The following BRWD1 variants were observed in gnomAD, a reference collection of about 807,000 sequenced individuals.
BRWD1 encodes the protein bromodomain and WD repeat domain containing 1, also known as bromodomain and WD repeat-containing protein 1.
BRWD1 carries 82 observed loss-of-function variants against 251.2 expected under a neutral mutation model. The observed-to-expected ratio is 0.33, with a 90% CI of 0.27 to 0.39. The LOEUF is 0.39. BRWD1 is among the 10% of genes least tolerant of loss of function. The pLI is 1.00. For missense variants in BRWD1, 2,233 were observed against 2,711.6 expected (o/e 0.82, Z 3.92); for synonymous variants, 918 against 902.8 (o/e 1.02, Z -0.30).
At chr21:39,308,510 A>G (rs1191916199) in intron 4 of BRWD1, among the ~76,000 whole-genome samples, 2 of 150,166 alleles carry the variant, frequency 1.3e-5, no homozygotes, top group Non-Finnish European at 3.0e-5. Context: ...AAGCAAAAGT[A>G]CCAAAAATAC....
intron 7 of BRWD1, 102 bp downstream of exon 7, chr21:39,295,641 A>C: frequency 1.0e-6 from 1 of 989,836 alleles, no homozygotes; most frequent in Non-Finnish European, 1.4e-6. Flanking sequence ...CTGAGTCAAA[A>C]TCTCTGAGGA....
rs751145578 is a variant in BRWD1 at position 39,199,684 on chromosome 21, A to G, written c.4754-22T>C. On this transcript the variant is annotated intron_variant, in intron 39 of 40. Transcript: ENST00000342449. Reference sequence around the variant, plus strand: ...GGACCTAGAAATAAGGTTAACAATAAGATTAAAAAGATTTTCCTTATTTCA... The same window carrying G: ...GGACCTAGAAATAAGGTTAACAATAGGATTAAAAAGATTTTCCTTATTTCA... 21 of 1,529,478 alleles carry G rather than the reference A, an allele frequency of 1.4e-5. No homozygotes were observed. The South Asian group carries it at 2.6e-4, about 19-fold the overall frequency. The allele number at this position is 1,529,478 out of a possible 1,614,324, so 94.7% of individuals were successfully genotyped here. A position where few individuals can be genotyped will look rare whatever the true frequency, so the allele number is the denominator to read the frequency against.
chr21:39,195,460 CAGG>C lies in BRWD1; in HGVS notation c.*796_*798del, dbSNP rs2031763220. The stretch of plus-strand genomic sequence containing the variant: ...TGGTTAAATCCCTTACAATGGAAAC[CAGG>C]AGATCTTGGACAGAAGACAGATTAT... On this transcript the variant is annotated 3_prime_UTR_variant, in exon 41 of 41. Coordinates refer to ENST00000342449, the MANE Select transcript of BRWD1 (RefSeq NM_033656.4). 2.0e-6 allele frequency: 2 copies of C among 985,560 alleles called. No individual in the cohort carries two copies. 61.1% of individuals were successfully genotyped at this position (985,560 alleles called of 1,614,324 possible).
chr21:39,250,298 T>C (rs2034353152), intron 20 of BRWD1, among the ~76,000 whole-genome samples: 1 of 152,136 alleles, frequency 6.6e-6, no homozygotes, highest in Non-Finnish European at 1.5e-5. Context: ...CATCCTGTGC[T>C]TCAAATCTTT....
intron 38 of BRWD1, 170 bp from the exon 39 acceptor site, chr21:39,200,556 T>A: frequency 2.0e-6 from 1 of 505,244 alleles, no homozygotes; most frequent in Non-Finnish European, 3.3e-6. Context: ...GCTGATGAAA[T>A]TTGGAGTATT....
chr21:39,190,093 AAATT>A lies in BRWD1; in HGVS notation c.*6162_*6165del. ...GATCATTTCCCTGGATGACCACTTTAAATTATAACTCACAGATATGTGTGTATTC... is the reference window on the plus strand; with the variant it reads ...GATCATTTCCCTGGATGACCACTTTAATAACTCACAGATATGTGTGTATTC... On this transcript the variant is annotated 3_prime_UTR_variant, in exon 41 of 41. Transcript: ENST00000342449. 1.0e-6 allele frequency: 1 copy of A among 985,378 alleles called. No homozygotes were observed. The highest frequency in any genetic ancestry group is 1.7e-5 in the African/African-American group (1 of 57,360). 61.0% of individuals were successfully genotyped at this position (985,378 alleles called of 1,614,324 possible).
chr21:39,191,754 C>T lies in BRWD1; in HGVS notation c.*4505G>A. 5.1e-6 allele frequency: 5 copies of T among 985,258 alleles called. No individual in the cohort carries two copies. The highest frequency in any genetic ancestry group is 6.0e-6 in the Non-Finnish European group (5 of 829,850). The allele number at this position is 985,258 out of a possible 1,614,324, so 61.0% of individuals were successfully genotyped here. ...GTAGAGCTGCTACAGTCCATCTAGG[C>T]TCTATATACTGGTCATCTCATTTCA... On this transcript the variant is annotated 3_prime_UTR_variant, in exon 41 of 41. Transcript: ENST00000342449.
chr21:39,320,541 T>C (rs34332346), intron 1 of BRWD1, among the ~76,000 whole-genome samples: 4,950 of 152,038 alleles, frequency 0.033, 258 homozygotes, highest in African/African-American at 0.11. Flanking sequence ...CACCATGTTG[T>C]CCAGGTTGGT....
intron 13 of BRWD1, among the ~76,000 whole-genome samples, chr21:39,273,280 T>C (rs1296654657): frequency 6.6e-6 from 1 of 152,208 alleles, no homozygotes; most frequent in Non-Finnish European, 1.5e-5. Flanking sequence ...ATTGACAGTA[T>C]TCACTTTCAT....
Position 39,191,846 on chromosome 21 carries a change from G to GA in BRWD1, c.*4412dup. ...ATCTCATTTAAGGGCTTTAATAAAT[G>GA]AAAAAACTTACCTTAAAACTGACAT... On this transcript the variant is annotated 3_prime_UTR_variant, in exon 41 of 41. Transcript: ENST00000342449. 2 of 984,848 alleles carry GA rather than the reference G, an allele frequency of 2.0e-6. No homozygotes were observed. The highest frequency in any genetic ancestry group is 2.4e-6 in the Non-Finnish European group (2 of 829,546). 61.0% of individuals were successfully genotyped at this position (984,848 alleles called of 1,614,324 possible).
At chr21:39,279,011 C>A (rs972480969) in intron 9 of BRWD1, among the ~76,000 whole-genome samples, 198 bp from the exon 10 acceptor site, 10 of 152,116 alleles carry the variant, frequency 6.6e-5, no homozygotes. Flanking sequence ...CTGGGGACCA[C>A]AGGCACACAA....
At chr21:39,305,857 T>A (rs12483559) in intron 4 of BRWD1, among the ~76,000 whole-genome samples, 2 of 132,030 alleles carry the variant, frequency 1.5e-5, no homozygotes, top group East Asian at 4.2e-4. Flanking sequence ...TGCAAGACTG[T>A]CTCAAAAAGA....
chr21:39,279,316 T>G (rs2035374897), intron 9 of BRWD1, among the ~76,000 whole-genome samples: 1 of 152,080 alleles, frequency 6.6e-6, no homozygotes, highest in African/African-American at 2.4e-5. Context: ...CATTGAAAAT[T>G]TCACATACTC....
rs1251876958 is a variant in BRWD1 at position 39,210,787 on chromosome 21, G to A, written c.4043C>T (p.Pro1348Leu). Residue 1348 changes from proline (P) to leucine (L), a missense_variant and splice_region_variant, in exon 35 of 41, where the codon CCA becomes CTA. By Grantham distance (98) the Pro-to-Leu change is moderately conservative. Coordinates refer to ENST00000342449, the MANE Select transcript of BRWD1 (RefSeq NM_033656.4). ...AACATTTAAACAATGGAAACTTACTGGATATTCAACCAAATCAACAGGTTG... is the reference window on the plus strand; with the variant it reads ...AACATTTAAACAATGGAAACTTACTAGATATTCAACCAAATCAACAGGTTG... ...FRQPVDLVEY[P>L]DYRDIIDTPM... 4 of 1,602,384 alleles carry A rather than the reference G, an allele frequency of 2.5e-6. No homozygotes were observed. Among genetic ancestry groups the A allele is most frequent in the Non-Finnish European group, 2.6e-6 (3 of 1,176,472 alleles).
intron 17 of BRWD1, among the ~76,000 whole-genome samples, chr21:39,260,373 C>A (rs2034702236): frequency 6.6e-6 from 1 of 152,086 alleles, no homozygotes; most frequent in Non-Finnish European, 1.5e-5. Context: ...TGAGCTCAAG[C>A]AATCCGCCTG....
chr21:39,201,114 C>T (rs1000075201), intron 38 of BRWD1, among the ~76,000 whole-genome samples: 4 of 152,146 alleles, frequency 2.6e-5, no homozygotes, highest in Non-Finnish European at 4.4e-5. Flanking sequence ...CATGTCTCAC[C>T]ATCCTTTTAC....
At chr21:39,299,013 CAGG>C (rs1172393114) in intron 4 of BRWD1, among the ~76,000 whole-genome samples, 6 of 152,144 alleles carry the variant, frequency 3.9e-5, no homozygotes, top group Non-Finnish European at 2.9e-5. Flanking sequence ...CACTTGAGAT[CAGG>C]AGTTCGAGAC....
intron 29 of BRWD1, among the ~76,000 whole-genome samples, chr21:39,220,512 C>T (rs1229846817): frequency 6.6e-6 from 1 of 152,116 alleles, no homozygotes; most frequent in Non-Finnish European, 1.5e-5. Context: ...AAGTGTAACA[C>T]TTACAGGAAT....
rs1601523213 is a variant in BRWD1, at chr21:39,313,046, GA to G, written c.138+25del. On this transcript the variant is annotated intron_variant, in intron 3 of 40. Coordinates refer to ENST00000342449, the MANE Select transcript of BRWD1 (RefSeq NM_033656.4). ...CAAGGTCGGCAGGAGGAACCCGAGG[GA>G]GCGCGGGGACGGGCGCGCACAGACC... The G allele has an allele frequency of 1.3e-5, 18 of 1,374,128 alleles. No individual in the cohort carries two copies. The East Asian group carries it at 5.6e-4, about 42-fold the overall frequency. 85.1% of individuals were successfully genotyped at this position (1,374,128 alleles called of 1,614,324 possible).
Sources: gnomAD v4.1 joint callset for allele counts (sites outside exome capture counted in the v4.1 genomes callset) on GRCh38, gnomAD v4.1.1 for gene constraint, MANE v1.5 for transcripts, NCBI Gene and HGNC (gene_info 2026-07-23, HGNC 2026-07-21) for gene names.